PPARGC1A: variants seen among roughly 807,000 people sequenced by gnomAD.
PPARGC1A encodes the protein peroxisome proliferator-activated receptor gamma coactivator 1-alpha.
Under a neutral mutation model 88.7 loss-of-function variants are expected in PPARGC1A, and 25 were observed. That is an observed-to-expected ratio of 0.28 (90% CI 0.21 to 0.39). PPARGC1A has a LOEUF of 0.39. Among genes scored for constraint, PPARGC1A ranks in the 10% least tolerant of loss-of-function variants. The pLI, the probability that PPARGC1A is intolerant of heterozygous loss-of-function variation, is 1.00. For missense variants in PPARGC1A, 880 were observed against 968.7 expected (o/e 0.91, Z 1.22); for synonymous variants, 363 against 355.6 (o/e 1.02, Z -0.24).
the PPARGC1A span, among the ~76,000 whole-genome samples, chr4:24,093,573 A>C: frequency 6.6e-6 from 1 of 152,094 alleles, no homozygotes; most frequent in African/African-American, 2.4e-5. Flanking sequence ...GTTTCCAGAA[A>C]ATTTCCCCAG....
chr4:24,390,852 C>A, the PPARGC1A span, among the ~76,000 whole-genome samples: 2 of 151,904 alleles, frequency 1.3e-5, no homozygotes, highest in Non-Finnish European at 2.9e-5. Flanking sequence ...AGTTTCATGA[C>A]CCCCTGATAA....
chr4:24,295,630 C>A, the PPARGC1A span, among the ~76,000 whole-genome samples: 3 of 151,042 alleles, frequency 2.0e-5, no homozygotes, highest in East Asian at 3.9e-4. Context: ...GGGGAAGAAA[C>A]TATGAATATA....
the PPARGC1A span, among the ~76,000 whole-genome samples, chr4:23,943,380 GTTTTTT>G: frequency 3.2e-5 from 4 of 124,384 alleles, no homozygotes; most frequent in Admixed American, 7.9e-5. Context: ...AAATTAAAAG[GTTTTTT>G]TTTTTTTTTT....
chr4:24,239,860 C>T, the PPARGC1A span, among the ~76,000 whole-genome samples: 5 of 152,200 alleles, frequency 3.3e-5, 1 homozygote, highest in Middle Eastern at 3.4e-3. Flanking sequence ...TGGAAGGGAA[C>T]GGGTGGGTTT....
At chr4:24,310,468 C>T in the PPARGC1A span, among the ~76,000 whole-genome samples, 4 of 152,040 alleles carry the variant, frequency 2.6e-5, no homozygotes, top group African/African-American at 4.8e-5. Flanking sequence ...TTTTATGGTT[C>T]GTAGCTGATT....
chr4:23,967,666 G>A, the PPARGC1A span, among the ~76,000 whole-genome samples: 1 of 152,068 alleles, frequency 6.6e-6, no homozygotes, highest in African/African-American at 2.4e-5. Flanking sequence ...TCATTATCAG[G>A]TTTATCTTTG....
the PPARGC1A span, among the ~76,000 whole-genome samples, chr4:24,226,195 G>A: frequency 6.2e-4 from 94 of 152,272 alleles, no homozygotes; most frequent in African/African-American, 2.2e-3. Context: ...TGTCTTAAAT[G>A]TGCTCACGTT....
the PPARGC1A span, among the ~76,000 whole-genome samples, chr4:24,014,803 C>T: frequency 6.6e-6 from 1 of 152,180 alleles, no homozygotes. Flanking sequence ...GATTACCTCT[C>T]TTTTGATTAA....
chr4:23,884,654 C>T (rs765449009), intron 2 of PPARGC1A, 98 bp downstream of exon 2: 1 of 1,039,772 alleles, frequency 9.6e-7, no homozygotes, highest in East Asian at 2.8e-5. Flanking sequence ...TTGATGATAG[C>T]AAAGTAAGAA....
the PPARGC1A span, among the ~76,000 whole-genome samples, chr4:24,254,602 A>C: frequency 6.6e-6 from 1 of 152,288 alleles, no homozygotes; most frequent in Admixed American, 6.5e-5. Context: ...ACCAACTAAA[A>C]ATAACCTGAA....
At chr4:23,904,134 T>A, upstream of PPARGC1A, 1 of 792,726 alleles carries the variant, frequency 1.3e-6, no homozygotes, top group Non-Finnish European at 1.5e-6. Flanking sequence ...AAGGGCATGG[T>A]GACGTGGGAG....
chr4:24,046,377 T>C, the PPARGC1A span, among the ~76,000 whole-genome samples: 3 of 152,098 alleles, frequency 2.0e-5, no homozygotes, highest in Admixed American at 2.0e-4. Flanking sequence ...TTTGCAACCC[T>C]CTCCAAACTC....
chr4:24,064,250 G>A, the PPARGC1A span, among the ~76,000 whole-genome samples: 3 of 152,164 alleles, frequency 2.0e-5, no homozygotes, highest in African/African-American at 7.2e-5. Context: ...TAACGAAGAG[G>A]GGAGGGGGCT....
the PPARGC1A span, among the ~76,000 whole-genome samples, chr4:24,438,859 C>A: frequency 1.3e-5 from 2 of 151,300 alleles, no homozygotes; most frequent in South Asian, 4.2e-4. Flanking sequence ...ATATTTTTGA[C>A]CCTGTGTCTC....
the PPARGC1A span, among the ~76,000 whole-genome samples, chr4:24,347,909 CTGTTTTGATG>C: frequency 1.3e-4 from 20 of 151,838 alleles, no homozygotes; most frequent in Admixed American, 2.6e-4. Context: ...TAAAGAGGTT[CTGTTTTGATG>C]TGTTTTGATG....
rs534380440 is a variant in PPARGC1A at position 23,849,345 on chromosome 4, C to T, written c.235-17594G>A. 7.9e-5 allele frequency among the ~76,000 whole-genome samples: 12 copies of T among 152,236 alleles called. No individual in the cohort carries two copies. The East Asian group carries it at 2.3e-3, about 29-fold the overall frequency. On this transcript the variant is annotated intron_variant, in intron 2 of 12. Coordinates refer to ENST00000264867, the MANE Select transcript of PPARGC1A (RefSeq NM_013261.5). ...GAAGGAACGCTAGGAAACCGTATGC[C>T]ATGTGAACTTAATCTGTTACCTAAG... is the stretch of plus-strand genomic sequence containing the variant.
At chr4:24,438,387 T>C in the PPARGC1A span, among the ~76,000 whole-genome samples, 3 of 152,170 alleles carry the variant, frequency 2.0e-5, no homozygotes, top group Non-Finnish European at 4.4e-5. Flanking sequence ...AGAATACATT[T>C]CTGTGGATAA....
the PPARGC1A span, among the ~76,000 whole-genome samples, chr4:24,125,483 C>T: frequency 6.6e-6 from 1 of 152,140 alleles, no homozygotes; most frequent in South Asian, 2.1e-4. Flanking sequence ...AGCCAGGGAT[C>T]CTCTCTTCTC....
At chr4:24,115,760 C>G in the PPARGC1A span, among the ~76,000 whole-genome samples, 1 of 152,094 alleles carries the variant, frequency 6.6e-6, no homozygotes, top group Non-Finnish European at 1.5e-5. Flanking sequence ...CTTCATTTCC[C>G]TCTTCTCCAA....
Sources: gnomAD v4.1 joint callset for allele counts (sites outside exome capture counted in the v4.1 genomes callset) on GRCh38, gnomAD v4.1.1 for gene constraint, MANE v1.5 for transcripts, NCBI Gene and HGNC (gene_info 2026-07-23, HGNC 2026-07-21) for gene names.